VWA2: variants seen among roughly 807,000 people sequenced by gnomAD.
The protein encoded by VWA2 is von Willebrand factor A domain containing 2, also known as von Willebrand factor A domain-containing protein 2.
VWA2 carries 73 observed loss-of-function variants against 70.4 expected under a neutral mutation model. That is an observed-to-expected ratio of 1.04 (90% CI 0.86 to 1.26). The LOEUF is 1.26. Ranked by LOEUF, VWA2 falls within the 50% of genes most tolerant of loss-of-function variation. The probability of loss-of-function intolerance (pLI) is 0.00; values close to 1 mark genes in which losing one functional copy is unlikely to be tolerated. For missense variants in VWA2, 1,011 were observed against 998.5 expected, an observed-to-expected ratio of 1.01 and a Z score of -0.17; for synonymous variants, 407 against 423.3, an observed-to-expected ratio of 0.96 and a Z score of 0.47.
chr10:114,291,109 A>G (rs1339293550), intron 13 of VWA2, 109 bp from the exon 14 acceptor site: 3 of 1,266,178 alleles, frequency 2.4e-6, no homozygotes, highest in Non-Finnish European at 3.4e-6. Context: ...GCTGGGGGCG[A>G]GGTGGGTTGT....
intron 1 of VWA2, among the ~76,000 whole-genome samples, chr10:114,241,030 C>T (rs980311499): frequency 6.6e-6 from 1 of 152,304 alleles, no homozygotes; most frequent in Non-Finnish European, 1.5e-5. Flanking sequence ...GAATCATAGT[C>T]AGAAGCCCAT....
At chr10:114,253,878 A>C (rs1431106352) in intron 3 of VWA2, among the ~76,000 whole-genome samples, 153 bp downstream of exon 3, 1 of 151,704 alleles carries the variant, frequency 6.6e-6, no homozygotes, top group Non-Finnish European at 1.5e-5. Flanking sequence ...CAGGGACCTG[A>C]CCAAATCACT....
chr10:114,282,470 C>T, intron 8 of VWA2, 46 bp from the exon 9 acceptor site: 1 of 1,510,828 alleles, frequency 6.6e-7, no homozygotes, highest in Non-Finnish European at 9.2e-7. Context: ...TCTGCCCTCC[C>T]CTTACACCTC....
chr10:114,261,098 G>A, intron 4 of VWA2, 88 bp from the exon 5 acceptor site: 2 of 908,338 alleles, frequency 2.2e-6, no homozygotes, highest in South Asian at 3.0e-5. Context: ...GGGAGGCAGG[G>A]TTGTTAACTT....
intron 6 of VWA2, 69 bp downstream of exon 6, chr10:114,273,003 AGG>A (rs1416447629): frequency 2.2e-6 from 3 of 1,393,330 alleles, no homozygotes; most frequent in Non-Finnish European, 2.9e-6. Context: ...TGGCCATGGG[AGG>A]GAAGGGAGGG....
chr10:114,254,873 G>T (rs1352662278), intron 3 of VWA2, 42 bp from the exon 4 acceptor site: 13 of 1,599,190 alleles, frequency 8.1e-6, no homozygotes, highest in Non-Finnish European at 1.1e-5. Context: ...AAGTGAGACC[G>T]ACTTGCTCCT....
chr10:114,271,264 A>G (rs919773066), intron 5 of VWA2, among the ~76,000 whole-genome samples: 3 of 152,208 alleles, frequency 2.0e-5, no homozygotes, highest in African/African-American at 7.2e-5. Context: ...ATGTCAATAT[A>G]TGTATTGTAG....
intron 1 of VWA2, among the ~76,000 whole-genome samples, chr10:114,245,830 A>G (rs893062717): frequency 6.6e-6 from 1 of 152,214 alleles, no homozygotes; most frequent in African/African-American, 2.4e-5. Flanking sequence ...TTGAAGCAGG[A>G]AGACCCTGCA....
chr10:114,290,408 A>T (rs892890686), intron 13 of VWA2, 43 bp downstream of exon 13: 25 of 1,545,412 alleles, frequency 1.6e-5, no homozygotes, highest in Non-Finnish European at 2.0e-5. Flanking sequence ...CAGGGATGGT[A>T]TTGCGAGTCC....
chr10:114,281,608 T>C, intron 8 of VWA2: 3 of 369,094 alleles, frequency 8.1e-6, no homozygotes, highest in Non-Finnish European at 1.1e-5. Flanking sequence ...ACCTGAGAAG[T>C]CATTGAGTCC....
intron 4 of VWA2, among the ~76,000 whole-genome samples, chr10:114,256,445 A>G (rs945213948): frequency 6.6e-6 from 1 of 152,140 alleles, no homozygotes; most frequent in Non-Finnish European, 1.5e-5. Flanking sequence ...CAGTTTTCTT[A>G]TATCTGTATA....
chr10:114,245,692 G>C (rs1356789206), intron 1 of VWA2, among the ~76,000 whole-genome samples: 1 of 152,176 alleles, frequency 6.6e-6, no homozygotes, highest in Admixed American at 6.5e-5. Context: ...ATGTGCTGCA[G>C]GCCAGTATCC....
chr10:114,279,956 C>T (rs922668840), intron 8 of VWA2, among the ~76,000 whole-genome samples: 20 of 152,184 alleles, frequency 1.3e-4, no homozygotes, highest in Admixed American at 2.6e-4. Flanking sequence ...GAGCCGGGAG[C>T]GGCTGGAAGA....
At chr10:114,278,936 C>T (rs2133380990) in intron 8 of VWA2, 85 bp downstream of exon 8, 2 of 1,571,726 alleles carry the variant, frequency 1.3e-6, no homozygotes, top group Admixed American at 3.4e-5. Flanking sequence ...CTTTGGGGCC[C>T]TGCCATGGAG....
chr10:114,285,856 G>A (rs1265631481), intron 10 of VWA2, 83 bp from the exon 11 acceptor site: 44 of 1,374,216 alleles, frequency 3.2e-5, no homozygotes, highest in Non-Finnish European at 4.1e-5. Context: ...CTCCCTCCTG[G>A]GAGATGTTCG....
chr10:114,280,572 G>A (rs571123341), intron 8 of VWA2, among the ~76,000 whole-genome samples: 10 of 152,244 alleles, frequency 6.6e-5, no homozygotes, highest in Admixed American at 2.0e-4. Context: ...AGCCCTGTTG[G>A]TAGTGTCTGC....
At chr10:114,279,917 T>C (rs1467964890) in intron 8 of VWA2, among the ~76,000 whole-genome samples, 3 of 152,164 alleles carry the variant, frequency 2.0e-5, no homozygotes, top group Non-Finnish European at 2.9e-5. Flanking sequence ...TTGCAAGATT[T>C]GGAACTGTGG....
chr10:114,279,418 G>C (rs1333120902), intron 8 of VWA2, among the ~76,000 whole-genome samples: 4 of 152,006 alleles, frequency 2.6e-5, no homozygotes, highest in African/African-American at 9.7e-5. Context: ...TGGTGACCCT[G>C]CCCCTCTCCC....
intron 8 of VWA2, among the ~76,000 whole-genome samples, chr10:114,279,829 C>T (rs557218684): frequency 2.0e-5 from 3 of 152,338 alleles, no homozygotes; most frequent in African/African-American, 7.2e-5. Context: ...GACCAGCGGC[C>T]ACCCTGAGGC....
Sources: allele counts gnomAD v4.1 joint callset (sites outside exome capture counted in the v4.1 genomes callset), GRCh38; gene constraint gnomAD v4.1.1; transcripts MANE v1.5; gene names NCBI Gene and HGNC (gene_info 2026-07-23, HGNC 2026-07-21).